The following HIVEP1 variants were observed in gnomAD, a reference collection of about 807,000 sequenced individuals.
HIVEP1 encodes the protein zinc finger protein 40.
Under a neutral mutation model 180.0 loss-of-function variants are expected in HIVEP1, and 36 were observed. That is an observed-to-expected ratio of 0.20 (90% CI 0.15 to 0.26). The LOEUF (loss-of-function observed/expected upper bound fraction) is 0.26. Among genes scored for constraint, HIVEP1 ranks in the 10% least tolerant of loss-of-function variants. HIVEP1 has a pLI of 1.00. For synonymous variants in HIVEP1, 1,239 were observed against 1,239.0 expected, an observed-to-expected ratio of 1.00 and a Z score of 0.00; for missense variants, 3,143 against 3,268.7, an observed-to-expected ratio of 0.96 and a Z score of 0.94.
chr6:12,069,628 C>T (rs565236179), intron 2 of HIVEP1, among the ~76,000 whole-genome samples: 5 of 149,960 alleles, frequency 3.3e-5, no homozygotes, highest in Admixed American at 1.3e-4. Context: ...TGCTAGATGA[C>T]GAGTTAGTGG....
intron 2 of HIVEP1, among the ~76,000 whole-genome samples, chr6:12,053,476 C>T (rs1283264719): frequency 6.6e-6 from 1 of 151,976 alleles, no homozygotes; most frequent in Non-Finnish European, 1.5e-5. Context: ...TATAAATTAA[C>T]TAAAATTTTA....
intron 3 of HIVEP1, among the ~76,000 whole-genome samples, chr6:12,101,800 A>G (rs1445104235): frequency 6.6e-6 from 1 of 152,150 alleles, no homozygotes; most frequent in African/African-American, 2.4e-5. Flanking sequence ...ATCAAAAGGC[A>G]TAGATTGTCA....
chr6:12,014,787 G>A (rs1767627671), intron 1 of HIVEP1, among the ~76,000 whole-genome samples: 2 of 152,220 alleles, frequency 1.3e-5, no homozygotes, highest in Admixed American at 1.3e-4. Context: ...AGGCTAGGTT[G>A]TGCTGCAGTA....
chr6:12,113,882 T>G (rs1014310488), intron 3 of HIVEP1, among the ~76,000 whole-genome samples: 2 of 152,242 alleles, frequency 1.3e-5, no homozygotes, highest in Non-Finnish European at 2.9e-5. Flanking sequence ...TCACCAGTTG[T>G]TCCCACATCT....
rs1482943999 is a variant in HIVEP1, at chr6:12,148,851, A to C, written c.6488-12588A>C. On this transcript the variant is annotated intron_variant, in intron 7 of 8. Transcript: ENST00000379388. ...TGGTCTAGCTATATGAAAACTGAAA[A>C]TCCAAAATAACCCAGGAAACTCTTT... Among the ~76,000 whole-genome samples the C allele has an allele frequency of 3.3e-5, 5 of 152,284 alleles. No individual in the cohort carries two copies. In the East Asian group the frequency reaches 9.7e-4, roughly 29 times the overall value.
At chr6:12,162,065 T>C in intron 8 of HIVEP1, 136 bp downstream of exon 8, 1 of 781,108 alleles carries the variant, frequency 1.3e-6, no homozygotes, top group South Asian at 1.9e-5. Context: ...TTTATTTTTT[T>C]CTTGTATTTA....
At chr6:12,172,228 G>A in the HIVEP1 span, among the ~76,000 whole-genome samples, 1 of 152,182 alleles carries the variant, frequency 6.6e-6, no homozygotes, top group East Asian at 1.9e-4. Context: ...AGCTAGGGCT[G>A]TCTCATTCCA....
intron 7 of HIVEP1, among the ~76,000 whole-genome samples, chr6:12,152,136 A>C (rs1759741781): frequency 6.6e-6 from 1 of 152,160 alleles, no homozygotes; most frequent in Non-Finnish European, 1.5e-5. Context: ...AGCCTGGGTG[A>C]CGGAGCAAGA....
In HIVEP1 at chr6:12,161,903, G is replaced by A. The variant is rs781119160; in HGVS notation, c.6952G>A (p.Ala2318Thr). ...ESEEILRSSM[A>T]GKAVAITQSP... ...AGAAGAAATTCTGAGAAGTTCTATG[G>A]CAGGAAAAGCTGTTGCTATAACACA... is the stretch of plus-strand genomic sequence containing the variant. Residue 2318 changes from alanine to threonine, a missense_variant, in exon 8 of 9, where the codon GCA (alanine) becomes ACA (threonine). Ala to Thr is a moderately conservative substitution (Grantham distance 58). Around this residue, in one of 12 missense-constraint regions of HIVEP1, gnomAD observed 595 missense variants for 602.2 expected, o/e 0.99. Transcript: ENST00000379388. 1 of 1,612,206 alleles carries A rather than the reference G, an allele frequency of 6.2e-7. No individual in the cohort carries two copies. Among genetic ancestry groups the A allele is most frequent in the South Asian group, 1.1e-5 (1 of 91,034 alleles).
chr6:12,200,863 C>A, the HIVEP1 span, among the ~76,000 whole-genome samples: 3 of 152,318 alleles, frequency 2.0e-5, no homozygotes, highest in South Asian at 6.2e-4. Context: ...CCCCCAAATT[C>A]TTGACATAAA....
chr6:12,144,864 G>GA (rs1352363694), intron 7 of HIVEP1, among the ~76,000 whole-genome samples: 1 of 152,200 alleles, frequency 6.6e-6, no homozygotes, highest in Non-Finnish European at 1.5e-5. Context: ...TAAAAAGTTG[G>GA]AAGCAACAGA....
At position 12,123,200 on chromosome 6, in the gene HIVEP1, C is replaced by T. The variant is rs779200554; in HGVS notation, c.3405C>T (p.Val1135=). Residue 1135 remains valine, a synonymous_variant, in exon 4 of 9, where the codon GTC becomes GTT. Transcript: ENST00000379388. ...ELQRHGTGIS[V]IQHTNSLSRP... ...AGAGACACGGAACTGGAATCTCTGT[C>T]ATCCAGCACACCAACTCCCTGAGCA... 1.2e-6 allele frequency: 2 copies of T among 1,614,212 alleles called. No homozygotes were observed. The highest frequency in any genetic ancestry group is 1.7e-6 in the Non-Finnish European group (2 of 1,180,028).
chr6:12,160,614 A>G (rs1370119386), intron 7 of HIVEP1, among the ~76,000 whole-genome samples: 1 of 152,202 alleles, frequency 6.6e-6, no homozygotes, highest in Non-Finnish European at 1.5e-5. Flanking sequence ...AAAAGAAAAA[A>G]ACAAAAACAA....
At chr6:12,104,707 G>T (rs576310438) in intron 3 of HIVEP1, among the ~76,000 whole-genome samples, 2 of 152,094 alleles carry the variant, frequency 1.3e-5, no homozygotes, top group African/African-American at 2.4e-5. Flanking sequence ...GCTGGGAGTG[G>T]CAACCTCTGT....
At chr6:12,197,395 TA>T in the HIVEP1 span, among the ~76,000 whole-genome samples, 1 of 151,620 alleles carries the variant, frequency 6.6e-6, no homozygotes. Context: ...CCGTCTCTAC[TA>T]AAAACTACAA....
At position 12,121,355 on chromosome 6, in the gene HIVEP1, G is replaced by A; in HGVS notation, c.1560G>A (p.Lys520=). Residue 520 remains lysine (K), a synonymous_variant, in exon 4 of 9, where the codon AAG becomes AAA. Coordinates refer to ENST00000379388, the MANE Select transcript of HIVEP1 (RefSeq NM_002114.4). The surrounding 1 kb of genome is among the most constrained non-coding windows in gnomAD (Gnocchi z 5.3). ...AGCTGCAGCCTGTGCACATAATAAAGAGGATGTCAAATGCTGAAACTTTAC... is the reference window on the plus strand; with the variant it reads ...AGCTGCAGCCTGTGCACATAATAAAAAGGATGTCAAATGCTGAAACTTTAC... ...AMELQPVHII[K]RMSNAETLLK... The A allele has an allele frequency of 6.2e-7, 1 of 1,614,142 alleles. No homozygotes were observed. The highest frequency in any genetic ancestry group is 8.5e-7 in the Non-Finnish European group (1 of 1,180,028).
chr6:12,016,335 A>G (rs1387511627), intron 2 of HIVEP1, among the ~76,000 whole-genome samples: 1 of 152,210 alleles, frequency 6.6e-6, no homozygotes, highest in African/African-American at 2.4e-5. Context: ...TGTTATATCA[A>G]TGGTGAATAG....
intron 7 of HIVEP1, among the ~76,000 whole-genome samples, chr6:12,145,226 G>C (rs1554154055): frequency 2.0e-5 from 3 of 152,014 alleles, no homozygotes; most frequent in Non-Finnish European, 4.4e-5. Flanking sequence ...TGCAGACTTG[G>C]ATGCAGCTGG....
intron 2 of HIVEP1, among the ~76,000 whole-genome samples, chr6:12,018,475 A>G (rs963444480): frequency 2.0e-5 from 3 of 152,252 alleles, no homozygotes; most frequent in Admixed American, 6.5e-5. Context: ...TTCTTATGAT[A>G]GGGATAAAAT....
Sources: allele counts gnomAD v4.1 joint callset (sites outside exome capture counted in the v4.1 genomes callset), GRCh38; gene constraint gnomAD v4.1.1; regional missense constraint gnomAD v4.1.1; non-coding constraint Gnocchi (gnomAD v3.1); transcripts MANE v1.5; gene names NCBI Gene and HGNC (gene_info 2026-07-23, HGNC 2026-07-21).